The following DNAH8 variants were observed in gnomAD, a reference collection of about 807,000 sequenced individuals.
DNAH8 encodes axonemal beta dynein heavy chain 8.
DNAH8 carries 382 observed loss-of-function variants against 562.1 expected under a neutral mutation model. That is an observed-to-expected ratio of 0.68 (90% CI 0.63 to 0.74). The LOEUF is 0.74. DNAH8 is among the 30% of genes least tolerant of loss of function. The pLI, the probability that DNAH8 is intolerant of heterozygous loss-of-function variation, is 0.00. For missense variants in DNAH8, 5,203 were observed against 5,620.4 expected, an observed-to-expected ratio of 0.93 and a Z score of 2.37; for synonymous variants, 1,881 against 1,919.4, an observed-to-expected ratio of 0.98 and a Z score of 0.52.
chr6:38,783,178 T>G (rs776585139), intron 17 of DNAH8, 39 bp downstream of exon 17: 19 of 1,599,886 alleles, frequency 1.2e-5, no homozygotes, highest in Non-Finnish European at 1.6e-5. Flanking sequence ...AAGTAGGGAT[T>G]AGGTGATTTT....
intron 91 of DNAH8, among the ~76,000 whole-genome samples, chr6:39,015,430 A>G (rs906352815): frequency 6.6e-6 from 1 of 152,206 alleles, no homozygotes; most frequent in African/African-American, 2.4e-5. Flanking sequence ...ACTCATCTCA[A>G]ATAGTAATCC....
chr6:38,740,255 G>T (rs567343923), intron 7 of DNAH8, among the ~76,000 whole-genome samples: 1 of 152,194 alleles, frequency 6.6e-6, no homozygotes, highest in African/African-American at 2.4e-5. Context: ...TTGAGATTTT[G>T]ATTAGAATTT....
At chr6:38,715,960 A>ATATTTTTTTTTTTTTTTT in intron 1 of DNAH8, among the ~76,000 whole-genome samples, 1 of 23,628 alleles carries the variant, frequency 4.2e-5, no homozygotes, top group South Asian at 1.5e-3. Context: ...ATATATATAT[A>ATATTTTTTTTTTTTTTTT]TTTTTTTTTT....
At chr6:39,016,221 T>C (rs189733895) in intron 91 of DNAH8, among the ~76,000 whole-genome samples, 168 of 152,072 alleles carry the variant, frequency 1.1e-3, no homozygotes, top group Non-Finnish European at 2.1e-3. Context: ...ATTTCTTTCT[T>C]TGGTTCAAAA....
intron 3 of DNAH8, among the ~76,000 whole-genome samples, chr6:38,726,005 C>G (rs1331237703): frequency 2.0e-5 from 3 of 152,142 alleles, no homozygotes; most frequent in African/African-American, 7.2e-5. Flanking sequence ...GCAATTGGTG[C>G]AAAACAACCT....
intron 57 of DNAH8, among the ~76,000 whole-genome samples, chr6:38,887,478 G>A (rs983690605): frequency 6.6e-6 from 1 of 152,200 alleles, no homozygotes; most frequent in Non-Finnish European, 1.5e-5. Context: ...AGACCAAGGT[G>A]AGAGAATTGC....
chr6:38,727,077 C>T (rs530309704), intron 3 of DNAH8, among the ~76,000 whole-genome samples: 2 of 151,952 alleles, frequency 1.3e-5, no homozygotes, highest in East Asian at 3.9e-4. Context: ...AGGCTGGTCT[C>T]GAACTCCTGA....
intron 48 of DNAH8, among the ~76,000 whole-genome samples, chr6:38,868,798 G>A (rs902077332): frequency 2.6e-5 from 4 of 151,858 alleles, no homozygotes; most frequent in Non-Finnish European, 2.9e-5. Flanking sequence ...AGCCTCCTGA[G>A]TAGCTGGGAC....
At chr6:38,919,332 C>T (rs1318964062) in intron 70 of DNAH8, among the ~76,000 whole-genome samples, 2 of 152,108 alleles carry the variant, frequency 1.3e-5, no homozygotes, top group South Asian at 2.1e-4. Flanking sequence ...ATTGTGGCTA[C>T]CCCTGGTAGG....
rs11962820 is a variant in DNAH8 at position 38,744,778 on chromosome 6, T to A, written c.1293+2891T>A. 3.8e-3 allele frequency among the ~76,000 whole-genome samples: 577 copies of A among 152,112 alleles called. 3 individuals are homozygous for A. Among genetic ancestry groups the A allele is most frequent in the Middle Eastern group, 0.017 (5 of 294 alleles). Reference sequence around the variant, plus strand: ...TAACTAATTTTTAAACAATTTTTTTTATAGAGATAGGATCTTACTGTGTTG... The same window carrying A: ...TAACTAATTTTTAAACAATTTTTTTAATAGAGATAGGATCTTACTGTGTTG... On this transcript the variant is annotated intron_variant, in intron 8 of 92. Coordinates refer to ENST00000327475, the MANE Select transcript of DNAH8 (RefSeq NM_001206927.2).
At chr6:38,992,619 C>A (rs564510109) in intron 88 of DNAH8, among the ~76,000 whole-genome samples, 1 of 152,102 alleles carries the variant, frequency 6.6e-6, no homozygotes, top group Non-Finnish European at 1.5e-5. Context: ...TGGGGAGTCA[C>A]GAGAGCTGGT....
intron 91 of DNAH8, among the ~76,000 whole-genome samples, chr6:39,015,400 G>A (rs1583571940): frequency 6.6e-6 from 1 of 152,178 alleles, no homozygotes; most frequent in South Asian, 2.1e-4. Flanking sequence ...ATATGGTTTG[G>A]CTCTGCGTCC....
At chr6:38,924,609 A>G (rs1343182421) in intron 73 of DNAH8, among the ~76,000 whole-genome samples, 1 of 152,306 alleles carries the variant, frequency 6.6e-6, no homozygotes, top group African/African-American at 2.4e-5. Flanking sequence ...TCTTTATGGT[A>G]TAAATGTTTC....
At chr6:38,884,634 G>A (rs1266403177) in intron 56 of DNAH8, among the ~76,000 whole-genome samples, 1 of 151,980 alleles carries the variant, frequency 6.6e-6, no homozygotes, top group Non-Finnish European at 1.5e-5. Flanking sequence ...TCTCTCTTTG[G>A]CTACTTGACT....
intron 80 of DNAH8, among the ~76,000 whole-genome samples, chr6:38,948,650 A>G (rs1157834908): frequency 6.6e-6 from 1 of 152,224 alleles, no homozygotes; most frequent in African/African-American, 2.4e-5. Context: ...TTAAAAGCAC[A>G]CTTACAAACA....
chr6:38,863,093 T>C (rs1776762313), intron 44 of DNAH8, among the ~76,000 whole-genome samples: 1 of 152,092 alleles, frequency 6.6e-6, no homozygotes, highest in African/African-American at 2.4e-5. Flanking sequence ...CAACTGTTGA[T>C]TTAGCATGTC....
chr6:38,863,267 T>C (rs1157970590), intron 44 of DNAH8, among the ~76,000 whole-genome samples: 1 of 151,802 alleles, frequency 6.6e-6, no homozygotes, highest in Non-Finnish European at 1.5e-5. Flanking sequence ...CCATCTCTAC[T>C]AAAAATACAA....
intron 62 of DNAH8, among the ~76,000 whole-genome samples, chr6:38,903,278 T>C (rs1309846361): frequency 6.6e-6 from 1 of 152,164 alleles, no homozygotes; most frequent in Non-Finnish European, 1.5e-5. Flanking sequence ...CACCTGCTTC[T>C]GGTGAGGGTC....
chr6:38,839,318 AT>A (rs1376410030), intron 33 of DNAH8, among the ~76,000 whole-genome samples: 2 of 114,326 alleles, frequency 1.7e-5, no homozygotes, highest in South Asian at 5.5e-4. Flanking sequence ...TTTATGAATA[AT>A]TTTAGAGAAT....
Sources: allele counts gnomAD v4.1 joint callset (sites outside exome capture counted in the v4.1 genomes callset), GRCh38; gene constraint gnomAD v4.1.1; transcripts MANE v1.5; gene names NCBI Gene and HGNC (gene_info 2026-07-23, HGNC 2026-07-21).